The following CCN6 variants were observed in gnomAD, a reference collection of about 807,000 sequenced individuals.
CCN6 encodes CCN family member 6.
Under a neutral mutation model 37.4 loss-of-function variants are expected in CCN6, and 31 were observed. That is an observed-to-expected ratio of 0.83 (90% CI 0.62 to 1.12). The LOEUF is 1.12. CCN6 is among the 50% of genes most tolerant of loss of function. The probability of loss-of-function intolerance (pLI) is 0.00; values close to 1 mark genes in which losing one functional copy is unlikely to be tolerated. For missense variants in CCN6, 369 were observed against 413.8 expected (o/e 0.89, Z 0.94); for synonymous variants, 137 against 142.1 (o/e 0.96, Z 0.26).
At chr6:112,062,027 AC>A (rs780272773) in intron 2 of CCN6, among the ~76,000 whole-genome samples, 4 of 152,200 alleles carry the variant, frequency 2.6e-5, no homozygotes, top group Non-Finnish European at 4.4e-5. Context: ...ATGAGAGCCT[AC>A]CTTTGGAGTC....
At chr6:112,055,789 C>T (rs375217580) in intron 1 of CCN6, among the ~76,000 whole-genome samples, 65 of 152,260 alleles carry the variant, frequency 4.3e-4, no homozygotes, top group African/African-American at 1.5e-3. Flanking sequence ...AGGGTTTTGC[C>T]CTGTTGGCCA....
chr6:112,067,087 T>G (rs182342948), intron 3 of CCN6: 2 of 1,279,006 alleles, frequency 1.6e-6, no homozygotes, highest in East Asian at 9.3e-5. Context: ...TGCAAGAGAC[T>G]CTACTGTCAT....
chr6:112,061,435 T>G, intron 2 of CCN6, 147 bp downstream of exon 2: 1 of 943,312 alleles, frequency 1.1e-6, no homozygotes, highest in Non-Finnish European at 1.7e-6. Flanking sequence ...CTGGCTCCAT[T>G]GTATTGGATA....
chr6:112,057,673 T>TCCAG (rs1329482408), intron 1 of CCN6, among the ~76,000 whole-genome samples: 1 of 152,136 alleles, frequency 6.6e-6, no homozygotes, highest in East Asian at 1.9e-4. Context: ...CAGGGCTCAG[T>TCCAG]GGAGAAGTCC....
intron 2 of CCN6, 110 bp from the exon 3 acceptor site, chr6:112,064,645 A>G (rs1776623311): frequency 6.5e-7 from 1 of 1,541,572 alleles, no homozygotes; most frequent in African/African-American, 1.4e-5. Context: ...AGAGGTTGAG[A>G]GCTATACTTC....
At position 112,064,769 on chromosome 6, in the gene CCN6, G is replaced by T. The variant is rs1554313534; in HGVS notation, c.361G>T (p.Gly121Trp). ...TGVCAYLVAV[G>W]CEFNQVHYHN... ...TCTCTTTTCAGACCTTGTAGCTGTT[G>T]GGTGCGAGTTCAACCAGGTACATTA... is the stretch of plus-strand genomic sequence containing the variant. The change falls in exon 3 of 5, where the codon GGG (glycine) becomes TGG (tryptophan). Residue 121 changes from glycine to tryptophan, a missense_variant. Transcript: ENST00000368666. 7 of 1,613,998 alleles carry T rather than the reference G, an allele frequency of 4.3e-6. No homozygotes were observed. Among genetic ancestry groups the T allele is most frequent in the Middle Eastern group, 1.7e-4 (1 of 6,050 alleles).
intron 2 of CCN6, 67 bp downstream of exon 2, chr6:112,061,355 T>C (rs1459424941): frequency 1.2e-6 from 2 of 1,609,070 alleles, no homozygotes; most frequent in African/African-American, 2.7e-5. Flanking sequence ...TTCCTGCAAT[T>C]GTTAGCTTGG....
intron 3 of CCN6, chr6:112,067,021 T>A: frequency 7.3e-7 from 1 of 1,366,426 alleles, no homozygotes; most frequent in Non-Finnish European, 9.8e-7. Context: ...TAAACTGTTG[T>A]CTACCTTCCA....
chr6:112,061,243 G>A lies in CCN6; in HGVS notation c.301G>A (p.Asp101Asn), dbSNP rs782373024. 2.5e-6 allele frequency: 4 copies of A among 1,614,222 alleles called. No individual in the cohort carries two copies. Among genetic ancestry groups the A allele is most frequent in the South Asian group, 2.2e-5 (2 of 91,086 alleles). Residue 101 changes from aspartate to asparagine, a missense_variant, in exon 2 of 5, where the codon GAC becomes AAC. Asp to Asn is a conservative substitution (Grantham distance 23). Coordinates refer to ENST00000368666, the MANE Select transcript of CCN6 (RefSeq NM_198239.2). The part of the protein sequence containing the change: ...LCDPHKGLYC[D>N]YSVDRPRYET... ...TGACCCACACAAAGGGCTGTATTGT[G>A]ACTACTCAGTAGACAGGCCTAGGTA...
At chr6:112,066,872 C>A in intron 3 of CCN6, 1 of 992,036 alleles carries the variant, frequency 1.0e-6, no homozygotes, top group Non-Finnish European at 1.4e-6. Flanking sequence ...AGTTTTCTTG[C>A]TTTTTAATGA....
Position 112,056,202 on chromosome 6 carries a change from A to G in CCN6, c.48+1797A>G, listed in dbSNP as rs150405809. The stretch of plus-strand genomic sequence containing the variant: ...TCATTTCTTCCTGTATTTCTAAGTT[A>G]CTATCATAACAGAAGATCTTCAGAC... On this transcript the variant is annotated intron_variant, in intron 1 of 4. Coordinates refer to ENST00000368666, the MANE Select transcript of CCN6 (RefSeq NM_198239.2). Among the ~76,000 whole-genome samples the G allele has an allele frequency of 1.3e-4, 20 of 152,304 alleles. No individual in the cohort carries two copies. The East Asian group carries it at 3.5e-3, about 26-fold the overall frequency.
chr6:112,062,116 G>A (rs1423396113), intron 2 of CCN6, among the ~76,000 whole-genome samples: 3 of 152,080 alleles, frequency 2.0e-5, no homozygotes, highest in Non-Finnish European at 4.4e-5. Flanking sequence ...AAAAATGTGG[G>A]ATCTAGGTTC....
intron 3 of CCN6, among the ~76,000 whole-genome samples, 153 bp from the exon 4 acceptor site, chr6:112,068,048 GAGAT>G (rs1776751066): frequency 6.6e-6 from 1 of 152,058 alleles, no homozygotes; most frequent in Non-Finnish European, 1.5e-5. Context: ...GGGAAAGAGG[GAGAT>G]AGAGTGATAA....
chr6:112,067,794 A>G (rs1310404995), intron 3 of CCN6, among the ~76,000 whole-genome samples: 2 of 152,138 alleles, frequency 1.3e-5, no homozygotes, highest in East Asian at 1.9e-4. Context: ...GAAAGTTAAC[A>G]TTAAGATCAC....
Position 112,064,942 on chromosome 6 carries a change from C to T in CCN6, c.534C>T (p.Asn178=). 6.2e-7 allele frequency: 1 copy of T among 1,614,086 alleles called. No individual in the cohort carries two copies. The highest frequency in any genetic ancestry group is 8.5e-7 in the Non-Finnish European group (1 of 1,179,942). The change falls in exon 3 of 5, where the codon AAC becomes AAT. Residue 178 remains asparagine, a synonymous_variant. Transcript: ENST00000368666. ...GTGGAAAGAAGTCTGATCAGTCAAA[C>T]TGTAGCCTGGAACCATTACTACAGC... ...AKGGKKSDQS[N]CSLEPLLQQL... is the part of the protein sequence containing the mutation.
At chr6:112,065,600 AAACACACACG>A (rs1776661356) in intron 3 of CCN6, among the ~76,000 whole-genome samples, 6 of 147,318 alleles carry the variant, frequency 4.1e-5, no homozygotes, top group African/African-American at 7.7e-5. Context: ...ACACACACAC[AAACACACACG>A]CACACACACA....
At chr6:112,064,703 G>C (rs1776624550) in intron 2 of CCN6, 52 bp from the exon 3 acceptor site, 5 of 1,612,700 alleles carry the variant, frequency 3.1e-6, no homozygotes, top group Non-Finnish European at 3.4e-6. Flanking sequence ...TGGAGGTCTA[G>C]ACTATCACAG....
upstream of CCN6, among the ~76,000 whole-genome samples, chr6:112,053,114 G>C (rs587609300): frequency 5.9e-5 from 9 of 152,062 alleles, no homozygotes; most frequent in African/African-American, 2.2e-4. Flanking sequence ...ACGCCTCAGG[G>C]ACCTGAGAGG....
intron 2 of CCN6, among the ~76,000 whole-genome samples, chr6:112,062,492 C>T (rs1554313091): frequency 6.6e-6 from 1 of 152,218 alleles, no homozygotes; most frequent in East Asian, 1.9e-4. Context: ...GCCTTGGCCT[C>T]AGAGAATGAA....
Sources: gnomAD v4.1 joint callset for allele counts (sites outside exome capture counted in the v4.1 genomes callset) on GRCh38, gnomAD v4.1.1 for gene constraint, MANE v1.5 for transcripts, NCBI Gene and HGNC (gene_info 2026-07-23, HGNC 2026-07-21) for gene names.